YIPF7: variants seen among roughly 807,000 people sequenced by gnomAD.
The protein encoded by YIPF7 is Yip1 domain family member 7, also known as protein YIPF7.
A neutral mutation model predicts 27.2 loss-of-function variants in YIPF7; 35 were observed. The ratio of observed to expected loss-of-function variants is 1.29; its 90% confidence interval spans 0.98 to 1.70. The LOEUF (loss-of-function observed/expected upper bound fraction) is 1.70, where lower values mean the gene tolerates loss of function less well. YIPF7 is among the 40% of genes most tolerant of loss of function. YIPF7 has a pLI of 0.00. For missense variants in YIPF7, 358 were observed against 303.7 expected (o/e 1.18, Z -1.33); for synonymous variants, 137 against 110.4 (o/e 1.24, Z -1.51).
At chr4:44,657,524 G>T (rs141525536) in intron 2 of YIPF7, among the ~76,000 whole-genome samples, 1 of 152,132 alleles carries the variant, frequency 6.6e-6, no homozygotes, top group East Asian at 1.9e-4. Context: ...GTTTATAAAA[G>T]GATAAACATG....
intron 2 of YIPF7, among the ~76,000 whole-genome samples, chr4:44,660,128 A>AAAAAAAAAAAC (rs1560332849): frequency 1.4e-5 from 2 of 146,952 alleles, no homozygotes; most frequent in Non-Finnish European, 3.0e-5. Flanking sequence ...AAAAAAAAAA[A>AAAAAAAAAAAC]AAAAAAAACG....
intron 2 of YIPF7, among the ~76,000 whole-genome samples, chr4:44,638,209 A>ATTT (rs34946710): frequency 8.0e-6 from 1 of 124,854 alleles, no homozygotes; most frequent in African/African-American, 3.1e-5. Context: ...GAGTTTCAGG[A>ATTT]TTTTTTTTTT....
intron 2 of YIPF7, among the ~76,000 whole-genome samples, chr4:44,643,113 A>G (rs115160517): frequency 5.4e-4 from 82 of 152,316 alleles, no homozygotes; most frequent in Admixed American, 2.1e-3. Flanking sequence ...AAGACTTGTT[A>G]AATTGTTATG....
intron 4 of YIPF7, among the ~76,000 whole-genome samples, chr4:44,626,845 G>A (rs1435114086): frequency 1.6e-5 from 2 of 125,790 alleles, no homozygotes; most frequent in African/African-American, 3.0e-5. Context: ...GTGCTAACTC[G>A]GCTCACTGCA....
intron 2 of YIPF7, among the ~76,000 whole-genome samples, chr4:44,647,158 A>T (rs10015229): frequency 0.99 from 150,007 of 152,212 alleles, 73,954 homozygotes; most frequent in East Asian, 1. Context: ...TGAAGCAGGG[A>T]AGGCCGTCAA....
At chr4:44,636,687 C>T (rs775665025) in intron 2 of YIPF7, among the ~76,000 whole-genome samples, 47 of 152,076 alleles carry the variant, frequency 3.1e-4, no homozygotes, top group Non-Finnish European at 5.1e-4. Flanking sequence ...CATTCCAAGA[C>T]AGTCATTGCC....
chr4:44,632,441 G>A (rs2218111), intron 3 of YIPF7, among the ~76,000 whole-genome samples: 90,264 of 152,016 alleles, frequency 0.59, 27,876 homozygotes, highest in Non-Finnish European at 0.68. Context: ...GTAATTTTTC[G>A]TATCTGACAG....
Position 44,622,498 on chromosome 4 carries a change from G to T in YIPF7, c.687C>A (p.Ala229=). ...SLSASKIFIA[A]LHMEGQQLLV... ...GAAGCTGCTGTCCTTCCATGTGCAA[G>T]GCTGCAATGAAGATCTTGGAAGCTG... Residue 229 remains alanine, a synonymous_variant, in exon 6 of 6, where the codon GCC becomes GCA. Coordinates refer to ENST00000415895, the MANE Select transcript of YIPF7 (RefSeq NM_182592.3). 1 of 1,613,910 alleles carries T rather than the reference G, an allele frequency of 6.2e-7. No homozygotes were observed. Among genetic ancestry groups the T allele is most frequent in the Non-Finnish European group, 8.5e-7 (1 of 1,179,848 alleles).
chr4:44,625,968 C>G (rs1320325667), intron 4 of YIPF7, among the ~76,000 whole-genome samples: 1 of 152,142 alleles, frequency 6.6e-6, no homozygotes, highest in Non-Finnish European at 1.5e-5. Context: ...AGAGAAGGAG[C>G]TTTTTAGCTG....
At chr4:44,635,893 C>T (rs1230872687) in intron 3 of YIPF7, 29 bp downstream of exon 3, 2 of 1,610,182 alleles carry the variant, frequency 1.2e-6, no homozygotes, top group Admixed American at 1.7e-5. Context: ...TCTAGCTGTA[C>T]ACACATTAAT....
intron 2 of YIPF7, among the ~76,000 whole-genome samples, chr4:44,636,940 T>C: frequency 6.6e-6 from 1 of 152,224 alleles, no homozygotes; most frequent in Admixed American, 6.5e-5. Flanking sequence ...TTGCCAATGA[T>C]TCTACTCTCT....
At chr4:44,646,024 T>C (rs1287871384) in intron 2 of YIPF7, among the ~76,000 whole-genome samples, 2 of 152,240 alleles carry the variant, frequency 1.3e-5, no homozygotes, top group Non-Finnish European at 1.5e-5. Context: ...TTCCAAATTC[T>C]ATACTGGATA....
At chr4:44,640,096 A>G (rs957530733) in intron 2 of YIPF7, among the ~76,000 whole-genome samples, 4 of 151,988 alleles carry the variant, frequency 2.6e-5, no homozygotes, top group African/African-American at 9.7e-5. Flanking sequence ...GTTTGCTAGT[A>G]TTTTGTTGAG....
intron 4 of YIPF7, among the ~76,000 whole-genome samples, chr4:44,625,954 C>A (rs1712619137): frequency 2.0e-5 from 3 of 152,134 alleles, no homozygotes; most frequent in Admixed American, 1.3e-4. Flanking sequence ...TAAATTGATT[C>A]AGGAGAGAAG....
upstream of YIPF7, among the ~76,000 whole-genome samples, chr4:44,653,600 A>G (rs1185673508): frequency 6.6e-6 from 1 of 152,158 alleles, no homozygotes; most frequent in African/African-American, 2.4e-5. Flanking sequence ...CAAATACAGA[A>G]GATATTTGGG....
chr4:44,636,154 C>A (rs568741846), intron 2 of YIPF7, 69 bp from the exon 3 acceptor site: 1 of 1,434,042 alleles, frequency 7.0e-7, no homozygotes, highest in South Asian at 1.5e-5. Flanking sequence ...AGGAAAATTA[C>A]AATTTTACTT....
intron 1 of YIPF7, among the ~76,000 whole-genome samples, chr4:44,661,992 CTTGT>C (rs1310908766): frequency 2.0e-5 from 3 of 152,150 alleles, no homozygotes; most frequent in Non-Finnish European, 4.4e-5. Context: ...CTCTTTCTTT[CTTGT>C]TTGTTTCTGA....
At position 44,651,130 on chromosome 4, in the gene YIPF7, C is replaced by A. The variant is rs573937239; in HGVS notation, c.-2+424G>T. 2.0e-5 allele frequency among the ~76,000 whole-genome samples: 3 copies of A among 152,140 alleles called. No homozygotes were observed. In the South Asian group the frequency reaches 6.2e-4, roughly 32 times the overall value. On this transcript the variant is annotated intron_variant, in intron 1 of 5. Transcript: ENST00000415895. Reference sequence around the variant, plus strand: ...GCATAAACAGCCTCAACTCTAAAGGCATCATTAATCAGAAATATTCAAGTA... The same window carrying A: ...GCATAAACAGCCTCAACTCTAAAGGAATCATTAATCAGAAATATTCAAGTA...
chr4:44,642,403 T>G (rs1358282253), intron 2 of YIPF7, among the ~76,000 whole-genome samples: 1 of 152,126 alleles, frequency 6.6e-6, no homozygotes, highest in Admixed American at 6.5e-5. Flanking sequence ...TTGATAACTA[T>G]CTAAATTTAA....
Sources: gnomAD v4.1 joint callset for allele counts (sites outside exome capture counted in the v4.1 genomes callset) on GRCh38, gnomAD v4.1.1 for gene constraint, MANE v1.5 for transcripts, NCBI Gene and HGNC (gene_info 2026-07-23, HGNC 2026-07-21) for gene names.